Variants in ADAMTS12 observed in about 807,000 individuals in gnomAD.
The protein encoded by ADAMTS12 is ADAM metallopeptidase with thrombospondin type 1 motif 12.
ADAMTS12 carries 118 observed loss-of-function variants against 167.8 expected under a neutral mutation model. The observed-to-expected ratio is 0.70, with a 90% CI of 0.61 to 0.82. The LOEUF (loss-of-function observed/expected upper bound fraction) is 0.82. ADAMTS12 is among the 40% of genes least tolerant of loss of function. The probability of loss-of-function intolerance (pLI) is 0.00; values close to 1 mark genes in which losing one functional copy is unlikely to be tolerated. For missense variants in ADAMTS12, 1,916 were observed against 1,998.8 expected (o/e 0.96, Z 0.79); for synonymous variants, 704 against 716.9 (o/e 0.98, Z 0.29).
intron 16 of ADAMTS12, among the ~76,000 whole-genome samples, chr5:33,598,434 C>T (rs761482488): frequency 6.6e-6 from 1 of 152,162 alleles, no homozygotes; most frequent in Non-Finnish European, 1.5e-5. Context: ...AGAATCCAAG[C>T]GTCCTGAGTT....
intron 2 of ADAMTS12, among the ~76,000 whole-genome samples, chr5:33,808,276 G>T (rs757631840): frequency 6.6e-6 from 1 of 152,220 alleles, no homozygotes; most frequent in South Asian, 2.1e-4. Flanking sequence ...TTGGTGTATG[G>T]AGTCTCTGTC....
intron 5 of ADAMTS12, among the ~76,000 whole-genome samples, chr5:33,670,166 A>AAG (rs1741620990): frequency 6.6e-6 from 1 of 151,734 alleles, no homozygotes; most frequent in African/African-American, 2.4e-5. Flanking sequence ...ATAAAAAAAA[A>AAG]TAAGAAAATA....
chr5:33,859,083 C>T (rs906304885), intron 2 of ADAMTS12, among the ~76,000 whole-genome samples: 28 of 152,270 alleles, frequency 1.8e-4, no homozygotes, highest in African/African-American at 6.0e-4. Context: ...AACTGGGTGG[C>T]GGTTTGGGCA....
At chr5:33,818,539 T>C (rs936600181) in intron 2 of ADAMTS12, among the ~76,000 whole-genome samples, 1 of 152,096 alleles carries the variant, frequency 6.6e-6, no homozygotes, top group East Asian at 1.9e-4. Flanking sequence ...GTAATTCACA[T>C]GAGTGTAGAT....
chr5:33,643,603 G>T, intron 9 of ADAMTS12, 133 bp from the exon 10 acceptor site: 1 of 751,956 alleles, frequency 1.3e-6, no homozygotes, highest in Non-Finnish European at 2.2e-6. Flanking sequence ...AAGAGTGACA[G>T]AAAGCAATCA....
chr5:33,577,426 T>A (rs1746817516), intron 18 of ADAMTS12, among the ~76,000 whole-genome samples: 1 of 152,224 alleles, frequency 6.6e-6, no homozygotes, highest in South Asian at 2.1e-4. Context: ...CCCTTTGGGC[T>A]GTGAATCATG....
chr5:33,535,768 G>A (rs1230248025), intron 22 of ADAMTS12, among the ~76,000 whole-genome samples: 1 of 152,146 alleles, frequency 6.6e-6, no homozygotes, highest in Admixed American at 6.5e-5. Context: ...GATGTGAGGA[G>A]GGGTGGAGCT....
chr5:33,575,430 A>G (rs1344528399), intron 19 of ADAMTS12, among the ~76,000 whole-genome samples: 4 of 152,052 alleles, frequency 2.6e-5, no homozygotes, highest in African/African-American at 9.7e-5. Context: ...CTGTAGGCCA[A>G]AAAAAAGGCT....
intron 2 of ADAMTS12, among the ~76,000 whole-genome samples, chr5:33,815,772 A>G (rs1747630663): frequency 6.6e-6 from 1 of 152,194 alleles, no homozygotes; most frequent in Non-Finnish European, 1.5e-5. Flanking sequence ...AAAGGTATCC[A>G]GGACCAGTCC....
intron 3 of ADAMTS12, among the ~76,000 whole-genome samples, chr5:33,700,649 A>G (rs1488045231): frequency 2.0e-5 from 3 of 152,192 alleles, no homozygotes; most frequent in Admixed American, 6.5e-5. Context: ...CTTGCGATAA[A>G]ACCATACAGA....
At chr5:33,616,108 C>A (rs775748187) in intron 14 of ADAMTS12, 36 bp from the exon 15 acceptor site, 2 of 1,607,768 alleles carry the variant, frequency 1.2e-6, no homozygotes, top group Admixed American at 3.3e-5. Flanking sequence ...AAGAGGCACG[C>A]CAGCTTCTCA....
chr5:33,647,828 T>C (rs1740732532), intron 9 of ADAMTS12, among the ~76,000 whole-genome samples: 1 of 152,236 alleles, frequency 6.6e-6, no homozygotes, highest in African/African-American at 2.4e-5. Flanking sequence ...GTATCAACTT[T>C]ACCTTCTCTG....
At position 33,832,633 on chromosome 5, in the gene ADAMTS12, G is replaced by A. The variant is rs7712704; in HGVS notation, c.489+48486C>T. Among the ~76,000 whole-genome samples, 1,147 of 152,318 alleles carry A rather than the reference G, an allele frequency of 7.5e-3. 15 individuals carry two copies. The highest frequency in any genetic ancestry group is 0.026 in the African/African-American group (1,096 of 41,558). ...CTGGCAATGCGCATGCTCAGAGAGA[G>A]AATTTCCACCAGGCACTAGCGGGGT... On this transcript the variant is annotated intron_variant, in intron 2 of 23. Coordinates refer to ENST00000504830, the MANE Select transcript of ADAMTS12 (RefSeq NM_030955.4).
chr5:33,577,773 C>T (rs1393632339), intron 18 of ADAMTS12, among the ~76,000 whole-genome samples: 1 of 152,110 alleles, frequency 6.6e-6, no homozygotes, highest in African/African-American at 2.4e-5. Context: ...CATAGTTAAT[C>T]AAAGGTAGGA....
intron 2 of ADAMTS12, among the ~76,000 whole-genome samples, chr5:33,867,414 A>G (rs180793952): frequency 7.9e-5 from 12 of 152,176 alleles, no homozygotes; most frequent in African/African-American, 2.9e-4. Context: ...AGCTATGGAT[A>G]ATCAAAGGCA....
At chr5:33,599,403 GTTC>G (rs1205764503) in intron 16 of ADAMTS12, among the ~76,000 whole-genome samples, 4 of 152,254 alleles carry the variant, frequency 2.6e-5, no homozygotes, top group African/African-American at 9.6e-5. Context: ...TTGTGCTACA[GTTC>G]TTCTGTTTTC....
intron 19 of ADAMTS12, among the ~76,000 whole-genome samples, chr5:33,570,836 T>C (rs533371504): frequency 2.7e-5 from 4 of 150,928 alleles, no homozygotes; most frequent in Non-Finnish European, 5.9e-5. Context: ...ATCAGTGTGC[T>C]GTATTCAGGA....
chr5:33,715,481 G>A (rs1704546927), intron 3 of ADAMTS12, among the ~76,000 whole-genome samples: 1 of 152,044 alleles, frequency 6.6e-6, no homozygotes, highest in Non-Finnish European at 1.5e-5. Flanking sequence ...AAGCATATAT[G>A]AGTGATTAAA....
At chr5:33,877,981 T>C (rs927119402) in intron 2 of ADAMTS12, among the ~76,000 whole-genome samples, 1 of 152,152 alleles carries the variant, frequency 6.6e-6, no homozygotes, top group African/African-American at 2.4e-5. Context: ...TAAGAAGGAC[T>C]TCCCAAATGC....
Sources: allele counts gnomAD v4.1 joint callset (sites outside exome capture counted in the v4.1 genomes callset), GRCh38; gene constraint gnomAD v4.1.1; transcripts MANE v1.5; gene names NCBI Gene and HGNC (gene_info 2026-07-23, HGNC 2026-07-21).